RB1CC1: variants seen among roughly 807,000 people sequenced by gnomAD.
RB1CC1 encodes RB1-inducible coiled-coil protein 1.
In RB1CC1, 46 loss-of-function variants were observed where a neutral mutation model predicts 177.5. That is an observed-to-expected ratio of 0.26 (90% confidence interval 0.20 to 0.33). RB1CC1 has a LOEUF of 0.33. RB1CC1 is among the 10% of genes least tolerant of loss of function. The probability of loss-of-function intolerance (pLI) is 1.00; values close to 1 mark genes in which losing one functional copy is unlikely to be tolerated. For synonymous variants in RB1CC1, 666 were observed against 613.6 expected, an observed-to-expected ratio of 1.09 and a Z score of -1.26; for missense variants, 1,703 against 1,816.3, an observed-to-expected ratio of 0.94 and a Z score of 1.13.
chr8:52,694,732 C>A (rs1275396383), intron 1 of RB1CC1, among the ~76,000 whole-genome samples: 5 of 152,126 alleles, frequency 3.3e-5, no homozygotes, highest in Non-Finnish European at 7.4e-5. Flanking sequence ...AGCAACAATA[C>A]AAAGAAGTCC....
chr8:52,700,829 A>C lies in RB1CC1; in HGVS notation c.-167+13246T>G, dbSNP rs962476638. Among the ~76,000 whole-genome samples the C allele has an allele frequency of 2.6e-5, 4 of 152,218 alleles. No homozygotes were observed. The South Asian group carries it at 6.2e-4, about 24-fold the overall frequency. ...TTGCACCAACATCTAACCAATATAA[A>C]GGATATTCAAGGTTTTCTTATTCTC... is the stretch of plus-strand genomic sequence containing the variant. On this transcript the variant is annotated intron_variant, in intron 1 of 23. Coordinates refer to ENST00000025008, the MANE Select transcript of RB1CC1 (RefSeq NM_014781.5).
chr8:52,701,159 G>A (rs1331756279), intron 1 of RB1CC1, among the ~76,000 whole-genome samples: 1 of 150,458 alleles, frequency 6.6e-6, no homozygotes, highest in Non-Finnish European at 1.5e-5. Context: ...TTTTGCTCTT[G>A]TTGCCCAGGC....
intron 1 of RB1CC1, among the ~76,000 whole-genome samples, chr8:52,694,719 G>C (rs1855218120): frequency 1.3e-5 from 2 of 152,122 alleles, no homozygotes; most frequent in South Asian, 4.1e-4. Flanking sequence ...ATATGGAAGT[G>C]ACAGCAACAA....
chr8:52,648,336 T>C (rs896900228), intron 15 of RB1CC1, among the ~76,000 whole-genome samples: 1 of 152,164 alleles, frequency 6.6e-6, no homozygotes, highest in African/African-American at 2.4e-5. Flanking sequence ...AAGCTCCCAT[T>C]AGAAAATGTT....
chr8:52,674,121 G>A lies in RB1CC1; in HGVS notation c.726C>T (p.Leu242=). The A allele has an allele frequency of 6.2e-7, 1 of 1,614,130 alleles. No homozygotes were observed. Among genetic ancestry groups the A allele is most frequent in the South Asian group, 1.1e-5 (1 of 91,070 alleles). Residue 242 remains leucine (L), a synonymous_variant, in exon 7 of 24, where the codon CTC becomes CTT. Coordinates refer to ENST00000025008, the MANE Select transcript of RB1CC1 (RefSeq NM_014781.5). The part of the protein sequence containing the change: ...AEMKRSTELV[L]SPDMPRTTNE... ...TAGTTGTTCTAGGCATATCAGGAGA[G>A]AGCACCAGTTCAGTGGATCTTTTCA...
At chr8:52,652,823 T>C (rs970400548) in intron 15 of RB1CC1, among the ~76,000 whole-genome samples, 56 of 152,112 alleles carry the variant, frequency 3.7e-4, no homozygotes, top group Non-Finnish European at 1.5e-4. Flanking sequence ...TTTGGGAGGC[T>C]GAGGCAGGTG....
chr8:52,713,591 C>T (rs970998590), intron 1 of RB1CC1, among the ~76,000 whole-genome samples: 2 of 152,206 alleles, frequency 1.3e-5, no homozygotes, highest in Non-Finnish European at 2.9e-5. Context: ...CTTCGTTCGG[C>T]CTCGGCCAAA....
At chr8:52,652,974 T>C (rs1040406841) in intron 15 of RB1CC1, among the ~76,000 whole-genome samples, 5 of 151,942 alleles carry the variant, frequency 3.3e-5, no homozygotes, top group Non-Finnish European at 7.4e-5. Context: ...GGAGAATTGC[T>C]TGAACTTGGG....
chr8:52,646,412 GA>G (rs1403863625), intron 15 of RB1CC1, among the ~76,000 whole-genome samples: 3 of 152,112 alleles, frequency 2.0e-5, no homozygotes, highest in Admixed American at 6.6e-5. Context: ...GCAACATAAG[GA>G]AAAAGTATTT....
chr8:52,711,526 C>T (rs548719084), intron 1 of RB1CC1, among the ~76,000 whole-genome samples: 123 of 152,288 alleles, frequency 8.1e-4, no homozygotes, highest in Non-Finnish European at 1.2e-3. Flanking sequence ...TTACCCATTT[C>T]CTATAAATAA....
intron 8 of RB1CC1, among the ~76,000 whole-genome samples, chr8:52,664,324 G>C (rs1362622238): frequency 2.6e-5 from 4 of 152,148 alleles, no homozygotes; most frequent in Non-Finnish European, 5.9e-5. Context: ...TATACAACCA[G>C]ACAATGTAGA....
At chr8:52,686,647 A>G (rs1854297992) in intron 2 of RB1CC1, among the ~76,000 whole-genome samples, 2 of 152,258 alleles carry the variant, frequency 1.3e-5, no homozygotes, top group African/African-American at 2.4e-5. Flanking sequence ...GAAAAGATCC[A>G]TAAGATTAAT....
At chr8:52,681,528 C>A (rs1853718049) in intron 5 of RB1CC1, among the ~76,000 whole-genome samples, 1 of 152,170 alleles carries the variant, frequency 6.6e-6, no homozygotes, top group Admixed American at 6.5e-5. Flanking sequence ...TCTAATTCCT[C>A]ACATAATGAA....
intron 16 of RB1CC1, among the ~76,000 whole-genome samples, chr8:52,644,346 G>A (rs1469744718): frequency 1.3e-5 from 2 of 152,120 alleles, no homozygotes; most frequent in Non-Finnish European, 2.9e-5. Context: ...AAAACATGAA[G>A]AAGTAAATTA....
At chr8:52,635,815 C>G (rs7827526) in intron 19 of RB1CC1, among the ~76,000 whole-genome samples, 200 bp downstream of exon 19, 2 of 151,914 alleles carry the variant, frequency 1.3e-5, no homozygotes, top group African/African-American at 2.4e-5. Context: ...AATGGGAGGG[C>G]TGAAATACTG....
At position 52,656,999 on chromosome 8, in the gene RB1CC1, G is replaced by T; in HGVS notation, c.2830C>A (p.Gln944Lys). 6.2e-7 allele frequency: 1 copy of T among 1,613,636 alleles called. No homozygotes were observed. Among genetic ancestry groups the T allele is most frequent in the Non-Finnish European group, 8.5e-7 (1 of 1,179,930 alleles). Reference sequence around the variant, plus strand: ...TTCAGTTCTTTAATTTCACAATTTTGAGAGTGCATTATATTTTCCATCTCT... The same window carrying T: ...TTCAGTTCTTTAATTTCACAATTTTTAGAGTGCATTATATTTTCCATCTCT... ...LLEMENIMHS[Q>K]NCEIKELKQS... The change falls in exon 15 of 24, where the codon CAA becomes AAA. Residue 944 changes from glutamine to lysine, a missense_variant. Around this residue, in one of 6 missense-constraint regions of RB1CC1, gnomAD observed 1,169 missense variants for 1,184.7 expected, o/e 0.99. Coordinates refer to ENST00000025008, the MANE Select transcript of RB1CC1 (RefSeq NM_014781.5).
At chr8:52,668,283 T>C (rs1175836736) in intron 7 of RB1CC1, 92 bp from the exon 8 acceptor site, 6 of 1,419,814 alleles carry the variant, frequency 4.2e-6, no homozygotes, top group African/African-American at 2.9e-5. Context: ...TGAGAGAAAA[T>C]AAGTGATAAA....
At chr8:52,643,215 C>T (rs911120542) in intron 16 of RB1CC1, 4 of 155,800 alleles carry the variant, frequency 2.6e-5, no homozygotes, top group African/African-American at 9.7e-5. Context: ...CTCTATCTTC[C>T]TTATTTCTCT....
At chr8:52,655,399 A>G (rs553633258) in intron 15 of RB1CC1, among the ~76,000 whole-genome samples, 4 of 152,256 alleles carry the variant, frequency 2.6e-5, no homozygotes, top group African/African-American at 9.6e-5. Context: ...TAAAAATACT[A>G]AAAACCATCT....
Sources: gnomAD v4.1 joint callset for allele counts (sites outside exome capture counted in the v4.1 genomes callset) on GRCh38, gnomAD v4.1.1 for gene constraint, gnomAD v4.1.1 regional missense constraint, MANE v1.5 for transcripts, NCBI Gene and HGNC (gene_info 2026-07-23, HGNC 2026-07-21) for gene names.